GLIS3: variants seen among roughly 807,000 people sequenced by gnomAD.
GLIS3 encodes the protein zinc finger protein GLIS3.
A neutral mutation model predicts 78.6 loss-of-function variants in GLIS3; 53 were observed. The observed-to-expected ratio is 0.67, with a 90% CI of 0.54 to 0.85. GLIS3 has a LOEUF of 0.85. GLIS3 is among the 40% of genes least tolerant of loss of function. GLIS3 has a pLI of 0.00. For synonymous variants in GLIS3, 684 were observed against 509.9 expected, an observed-to-expected ratio of 1.34 and a Z score of -4.60; for missense variants, 1,703 against 1,231.1, an observed-to-expected ratio of 1.38 and a Z score of -5.74.
chr9:4,273,109 C>A (rs1013925991), intron 2 of GLIS3, among the ~76,000 whole-genome samples: 2 of 152,140 alleles, frequency 1.3e-5, no homozygotes, highest in African/African-American at 4.8e-5. Flanking sequence ...TTCATACTGC[C>A]TAGACTGGAG....
chr9:3,987,071 T>C (rs1324532592), intron 4 of GLIS3, among the ~76,000 whole-genome samples: 1 of 152,146 alleles, frequency 6.6e-6, no homozygotes, highest in Non-Finnish European at 1.5e-5. Flanking sequence ...AACAATGAAT[T>C]ACAAATTCTT....
At chr9:4,135,286 A>G (rs911207880) in intron 2 of GLIS3, among the ~76,000 whole-genome samples, 2 of 152,192 alleles carry the variant, frequency 1.3e-5, no homozygotes, top group Non-Finnish European at 2.9e-5. Context: ...CAAATAATGC[A>G]AAGTTATAAA....
intron 4 of GLIS3, among the ~76,000 whole-genome samples, chr9:4,088,448 C>A (rs539042184): frequency 5.3e-5 from 8 of 152,354 alleles, no homozygotes; most frequent in Non-Finnish European, 1.0e-4. Flanking sequence ...TGACAGCCAA[C>A]AGAAGTACAA....
chr9:4,123,904 G>A (rs947989763), intron 3 of GLIS3: 1 of 396,764 alleles, frequency 2.5e-6, no homozygotes. Flanking sequence ...CTTTTCATAG[G>A]GCAGCATCTC....
At chr9:3,872,922 G>C (rs1821059662) in intron 8 of GLIS3, among the ~76,000 whole-genome samples, 1 of 152,054 alleles carries the variant, frequency 6.6e-6, no homozygotes, top group Admixed American at 6.5e-5. Context: ...ATAAAGATAT[G>C]AGCAGAATAA....
intron 2 of GLIS3, among the ~76,000 whole-genome samples, chr9:4,343,745 T>C (rs994020561): frequency 6.6e-6 from 1 of 152,174 alleles, no homozygotes; most frequent in African/African-American, 2.4e-5. Context: ...AAAAAAACAA[T>C]GAGATCTTGT....
intron 2 of GLIS3, among the ~76,000 whole-genome samples, chr9:4,210,811 T>C (rs1403780124): frequency 1.3e-5 from 2 of 152,242 alleles, no homozygotes; most frequent in African/African-American, 4.8e-5. Flanking sequence ...AAGCAAGTCA[T>C]GGGCCTGCCC....
At chr9:4,402,838 A>T in the GLIS3 span, among the ~76,000 whole-genome samples, 1 of 152,220 alleles carries the variant, frequency 6.6e-6, no homozygotes. Context: ...ATAGTCTCAC[A>T]AATATGAGAG....
At chr9:4,267,087 G>A (rs755113622) in intron 2 of GLIS3, among the ~76,000 whole-genome samples, 13 of 152,102 alleles carry the variant, frequency 8.5e-5, no homozygotes, top group Non-Finnish European at 1.9e-4. Context: ...GTAAAGGTGA[G>A]TGTCACTGCT....
Position 4,159,858 on chromosome 9 carries a change from G to T in GLIS3, c.389-33917C>A, listed in dbSNP as rs184008921. On this transcript the variant is annotated intron_variant, in intron 2 of 10. Coordinates refer to ENST00000381971, the MANE Select transcript of GLIS3 (RefSeq NM_001042413.2). ...GAGAGAAGAGCCAGGAGTTAAGACG[G>T]CAAGCCAATAGGGTTTCCAAAGTAA... Among the ~76,000 whole-genome samples, 221 of 152,288 alleles carry T rather than the reference G, an allele frequency of 1.5e-3. 1 individual carries two copies. Among genetic ancestry groups the T allele is most frequent in the Non-Finnish European group, 2.6e-3 (180 of 68,030 alleles).
chr9:4,484,543 C>T, the GLIS3 span, among the ~76,000 whole-genome samples: 1,530 of 150,118 alleles, frequency 0.01, 27 homozygotes, highest in African/African-American at 0.036. Flanking sequence ...CTCAGCCTCC[C>T]GGGTAGCTGG....
At chr9:4,482,598 T>C in the GLIS3 span, among the ~76,000 whole-genome samples, 5 of 152,330 alleles carry the variant, frequency 3.3e-5, no homozygotes, top group African/African-American at 7.2e-5. Context: ...TGTTTTATGA[T>C]GATAGAATAC....
At chr9:4,124,297 G>A (rs565303672) in intron 3 of GLIS3, among the ~76,000 whole-genome samples, 19 of 152,258 alleles carry the variant, frequency 1.2e-4, no homozygotes, top group African/African-American at 4.6e-4. Context: ...ATTATGCTAA[G>A]GAATCAAATA....
intron 4 of GLIS3, among the ~76,000 whole-genome samples, chr9:4,045,274 G>C (rs1297710844): frequency 6.6e-6 from 1 of 152,146 alleles, no homozygotes; most frequent in East Asian, 1.9e-4. Context: ...ACTGGACCTT[G>C]TGGATTTCAC....
intron 2 of GLIS3, among the ~76,000 whole-genome samples, chr9:4,231,098 A>G (rs557563120): frequency 8.6e-5 from 3 of 34,736 alleles, no homozygotes; most frequent in South Asian, 3.0e-3. Context: ...AATAAGATAA[A>G]TATGTTCAGG....
At position 3,997,373 on chromosome 9, in the gene GLIS3, A is replaced by G. The variant is rs144401098; in HGVS notation, c.1711-60184T>C. ...CGTCTCAAGAAAACAATAAAAATAA[A>G]AATAAAATAAAATAAAATAAAATAA... is the stretch of plus-strand genomic sequence containing the variant. On this transcript the variant is annotated intron_variant, in intron 4 of 10. Coordinates refer to ENST00000381971, the MANE Select transcript of GLIS3 (RefSeq NM_001042413.2). Among the ~76,000 whole-genome samples, 995 of 151,908 alleles carry G rather than the reference A, an allele frequency of 6.6e-3. 10 individuals carry two copies. Among genetic ancestry groups the G allele is most frequent in the African/African-American group, 0.023 (949 of 41,490 alleles).
the GLIS3 span, among the ~76,000 whole-genome samples, chr9:4,455,270 C>T: frequency 1.3e-5 from 2 of 152,098 alleles, no homozygotes; most frequent in Non-Finnish European, 2.9e-5. Context: ...TTCCATCTTA[C>T]GGTCTTCAGT....
chr9:4,488,584 A>C, the GLIS3 span, among the ~76,000 whole-genome samples: 1 of 151,236 alleles, frequency 6.6e-6, no homozygotes, highest in East Asian at 1.9e-4. Flanking sequence ...CTGCAGCGTG[A>C]TCTCGGCTCA....
chr9:4,416,732 C>CA, the GLIS3 span, among the ~76,000 whole-genome samples: 1 of 151,648 alleles, frequency 6.6e-6, no homozygotes, highest in Non-Finnish European at 1.5e-5. Context: ...TTAAGGTTGA[C>CA]AGACTCGCCT....
Sources: allele counts gnomAD v4.1 joint callset (sites outside exome capture counted in the v4.1 genomes callset), GRCh38; gene constraint gnomAD v4.1.1; transcripts MANE v1.5; gene names NCBI Gene and HGNC (gene_info 2026-07-23, HGNC 2026-07-21).